VAV1: variants seen among roughly 807,000 people sequenced by gnomAD.
The protein encoded by VAV1 is proto-oncogene vav.
Under a neutral mutation model 128.1 loss-of-function variants are expected in VAV1, and 33 were observed. That is an observed-to-expected ratio of 0.26 (90% CI 0.20 to 0.34). The LOEUF (loss-of-function observed/expected upper bound fraction) is 0.34, where lower values mean the gene tolerates loss of function less well. Among genes scored for constraint, VAV1 ranks in the 10% least tolerant of loss-of-function variants. The probability of loss-of-function intolerance (pLI) is 1.00; values close to 1 mark genes in which losing one functional copy is unlikely to be tolerated. For synonymous variants in VAV1, 394 were observed against 409.8 expected (o/e 0.96, Z 0.47); for missense variants, 715 against 1,093.7 (o/e 0.65, Z 4.88).
chr19:6,840,103 C>A (rs1333568583), intron 21 of VAV1, among the ~76,000 whole-genome samples: 2 of 152,138 alleles, frequency 1.3e-5, no homozygotes, highest in Non-Finnish European at 2.9e-5. Flanking sequence ...GCACTCTGAA[C>A]CCATTAAACA....
intron 26 of VAV1, 104 bp from the exon 27 acceptor site, chr19:6,856,950 G>A (rs1020407410): frequency 1.2e-5 from 11 of 921,700 alleles, no homozygotes; most frequent in African/African-American, 6.5e-5. Flanking sequence ...AGAAGGAAGA[G>A]CAGGTGCAAA....
At position 6,820,590 on chromosome 19, in the gene VAV1, G is replaced by A; in HGVS notation, c.205-112G>A. ...AGATAATTCAATTTCATGGAAGAGG[G>A]TCTGTGCTTTCATTTCCCCTCCACA... is the stretch of plus-strand genomic sequence containing the variant. On this transcript the variant is annotated intron_variant, in intron 1 of 26. Coordinates refer to ENST00000602142, the MANE Select transcript of VAV1 (RefSeq NM_005428.4). This position sits in a 1 kb window ranked among gnomAD's most constrained non-coding sequence, Gnocchi z 4.4. 2.7e-6 allele frequency: 2 copies of A among 754,336 alleles called. No individual in the cohort carries two copies. The highest frequency in any genetic ancestry group is 4.7e-6 in the Non-Finnish European group (2 of 426,586). The allele number at this position is 754,336 out of a possible 1,614,324, so 46.7% of individuals were successfully genotyped here.
chr19:6,783,446 G>A (rs1449250476), intron 1 of VAV1, among the ~76,000 whole-genome samples: 1 of 151,348 alleles, frequency 6.6e-6, no homozygotes, highest in African/African-American at 2.4e-5. Flanking sequence ...GGCCAGGCCT[G>A]GAAGTGGCGC....
intron 1 of VAV1, among the ~76,000 whole-genome samples, chr19:6,796,723 A>T (rs4807901): frequency 0.83 from 126,457 of 152,054 alleles, 52,870 homozygotes; most frequent in East Asian, 0.93. Flanking sequence ...TTAAAATTGC[A>T]CCCCCTCCTG....
At chr19:6,778,137 A>T (rs539007200) in intron 1 of VAV1, among the ~76,000 whole-genome samples, 1 of 152,194 alleles carries the variant, frequency 6.6e-6, no homozygotes, top group African/African-American at 2.4e-5. Flanking sequence ...GGGTTTCAGC[A>T]TGTTGGCCAG....
chr19:6,812,214 A>G (rs1971528805), intron 1 of VAV1, among the ~76,000 whole-genome samples: 1 of 152,218 alleles, frequency 6.6e-6, no homozygotes, highest in Non-Finnish European at 1.5e-5. Context: ...CCCGAGGTAG[A>G]CAGCAGGAAT....
intron 24 of VAV1, among the ~76,000 whole-genome samples, chr19:6,852,196 T>C (rs945306762): frequency 2.6e-5 from 4 of 152,060 alleles, no homozygotes; most frequent in Middle Eastern, 3.2e-3. Flanking sequence ...TAAATCTTTT[T>C]TAGAGATGGG....
intron 1 of VAV1, among the ~76,000 whole-genome samples, chr19:6,780,664 T>C (rs574141374): frequency 1.4e-5 from 2 of 147,322 alleles, no homozygotes; most frequent in Admixed American, 1.4e-4. Context: ...CTCCACCTCC[T>C]GGGTTCAAGA....
At chr19:6,814,925 C>T (rs1309829249) in intron 1 of VAV1, among the ~76,000 whole-genome samples, 1 of 151,630 alleles carries the variant, frequency 6.6e-6, no homozygotes, top group Non-Finnish European at 1.5e-5. Context: ...AGTTCCCTTC[C>T]ATTTTTACTT....
chr19:6,834,003 ATTGATGT>A, intron 19 of VAV1, 50 bp downstream of exon 19: 5 of 1,612,238 alleles, frequency 3.1e-6, no homozygotes, highest in Non-Finnish European at 4.2e-6. Flanking sequence ...ATTCATCTCT[ATTGATGT>A]TGACCCAGGG....
chr19:6,844,063 CTTTTT>C (rs71177123), intron 22 of VAV1, among the ~76,000 whole-genome samples: 43 of 21,260 alleles, frequency 2.0e-3, no homozygotes, highest in Non-Finnish European at 3.3e-3. Flanking sequence ...TCTTCTTCTT[CTTTTT>C]TTTTTTTTTT....
chr19:6,773,924 T>C (rs1316153756), intron 1 of VAV1, among the ~76,000 whole-genome samples: 1 of 151,834 alleles, frequency 6.6e-6, no homozygotes, highest in Non-Finnish European at 1.5e-5. Context: ...GATACAGCCC[T>C]ATCCTGGGGC....
At chr19:6,816,017 ATTTTTTT>A (rs1157742259) in intron 1 of VAV1, among the ~76,000 whole-genome samples, 2 of 133,754 alleles carry the variant, frequency 1.5e-5, no homozygotes, top group Admixed American at 7.5e-5. Context: ...GTCTCTACAA[ATTTTTTT>A]TTTTTTTTTT....
chr19:6,833,548 A>G lies in VAV1; in HGVS notation c.1631A>G (p.Tyr544Cys). Residue 544 changes from tyrosine (Y) to cysteine (C), a missense_variant, in exon 17 of 27, where the codon TAC becomes TGC. Tyr to Cys is a radical substitution (Grantham distance 194). This residue lies in a region of VAV1 where 407 missense variants were observed against 580.6 expected (regional missense o/e 0.70). Transcript: ENST00000602142. ...MLLRGTFYQG[Y>C]RCHRCRASAH... Reference sequence around the variant, plus strand: ...CTCAGAGGTACCTTCTATCAGGGCTACCGCTGCCATCGGTGCCGGGCATCT... The same window carrying G: ...CTCAGAGGTACCTTCTATCAGGGCTGCCGCTGCCATCGGTGCCGGGCATCT... 1 of 1,610,208 alleles carries G rather than the reference A, an allele frequency of 6.2e-7. No homozygotes were observed. The highest frequency in any genetic ancestry group is 8.5e-7 in the Non-Finnish European group (1 of 1,177,592).
intron 3 of VAV1, 32 bp downstream of exon 3, chr19:6,821,712 G>T: frequency 6.2e-7 from 1 of 1,614,118 alleles, no homozygotes; most frequent in Non-Finnish European, 8.5e-7. Flanking sequence ...GGGCCATTTA[G>T]CCCCAGTCCT....
intron 1 of VAV1, among the ~76,000 whole-genome samples, chr19:6,812,454 A>G (rs191383090): frequency 1.0e-3 from 153 of 152,296 alleles, no homozygotes; most frequent in African/African-American, 3.6e-3. Context: ...AAGGAGTTCA[A>G]GACCAGCCTG....
At chr19:6,856,116 G>A (rs1254850089) in intron 26 of VAV1, among the ~76,000 whole-genome samples, 3 of 152,116 alleles carry the variant, frequency 2.0e-5, no homozygotes, top group Non-Finnish European at 4.4e-5. Flanking sequence ...CCAACATGGC[G>A]AAACCCTGTC....
chr19:6,786,955 C>A (rs1970906093), intron 1 of VAV1, among the ~76,000 whole-genome samples: 1 of 151,660 alleles, frequency 6.6e-6, no homozygotes, highest in African/African-American at 2.4e-5. Context: ...TAGAGTCTTA[C>A]TGCCTTATTT....
In VAV1 at chr19:6,825,383, G is replaced by A. The variant is rs760222375; in HGVS notation, c.804G>A (p.Gln268=). Residue 268 remains glutamine, a synonymous_variant, in exon 8 of 27, where the codon CAG becomes CAA. Coordinates refer to ENST00000602142, the MANE Select transcript of VAV1 (RefSeq NM_005428.4). The part of the protein sequence containing the change: ...LGTPGAANLY[Q]VFIKYKERFL... ...CCCCTGGCGCAGCCAATCTCTACCA[G>A]GTCTTCATCAAATACAAGGAGAGGT... The A allele has an allele frequency of 1.2e-6, 2 of 1,613,390 alleles. No homozygotes were observed. Among genetic ancestry groups the A allele is most frequent in the African/African-American group, 2.7e-5 (2 of 75,046 alleles).
Sources: allele counts gnomAD v4.1 joint callset (sites outside exome capture counted in the v4.1 genomes callset), GRCh38; gene constraint gnomAD v4.1.1; regional missense constraint gnomAD v4.1.1; non-coding constraint Gnocchi (gnomAD v3.1); transcripts MANE v1.5; gene names NCBI Gene and HGNC (gene_info 2026-07-23, HGNC 2026-07-21).